The following MED8 variants were observed in gnomAD, a reference collection of about 807,000 sequenced individuals.
MED8 encodes mediator of RNA polymerase II transcription subunit 8.
Under a neutral mutation model 34.8 loss-of-function variants are expected in MED8, and 22 were observed. That is an observed-to-expected ratio of 0.63 (90% CI 0.45 to 0.90). The LOEUF is 0.90. Ranked by LOEUF, MED8 falls within the 40% of genes least tolerant of loss-of-function variation. The probability of loss-of-function intolerance (pLI) is 0.00; values close to 1 mark genes in which losing one functional copy is unlikely to be tolerated. For synonymous variants in MED8, 105 were observed against 120.2 expected (o/e 0.87, Z 0.83); for missense variants, 260 against 326.3 (o/e 0.80, Z 1.57).
chr1:43,385,137 G>A, intron 6 of MED8, 31 bp from the exon 7 acceptor site: 8 of 1,550,316 alleles, frequency 5.2e-6, no homozygotes, highest in Non-Finnish European at 7.0e-6. Flanking sequence ...GTCATCTTAA[G>A]CAAGGTAAGA....
chr1:43,386,794 T>G lies in MED8; in HGVS notation c.411+64A>C. On this transcript the variant is annotated intron_variant, in intron 4 of 6. Coordinates refer to ENST00000372457, the MANE Select transcript of MED8 (RefSeq NM_201542.5). This position sits in a 1 kb window ranked among gnomAD's most constrained non-coding sequence, Gnocchi z 4.9. ...ACTATGTATCCCTACTAGACAGGAA[T>G]GGTAATGCCTAGCTTCTCATGATGG... is the stretch of plus-strand genomic sequence containing the variant. The G allele has an allele frequency of 1.2e-6, 2 of 1,609,554 alleles. No homozygotes were observed. The highest frequency in any genetic ancestry group is 1.7e-6 in the Non-Finnish European group (2 of 1,177,308).
In MED8 at chr1:43,384,527, C is replaced by T. The variant is rs746972448; in HGVS notation, c.*515G>A. The T allele has an allele frequency of 7.4e-6, 12 of 1,611,198 alleles. No individual in the cohort carries two copies. Among genetic ancestry groups the T allele is most frequent in the Non-Finnish European group, 1.0e-5 (12 of 1,178,764 alleles). Reference sequence around the variant, plus strand: ...TTCACCTTGCGCCTTAGAGGGATAGCCAGAATGAAACCCAGGCAGGAGGGC... The same window carrying T: ...TTCACCTTGCGCCTTAGAGGGATAGTCAGAATGAAACCCAGGCAGGAGGGC... On this transcript the variant is annotated 3_prime_UTR_variant, in exon 7 of 7. Transcript: ENST00000372457.
Position 43,386,045 on chromosome 1 carries a change from C to A in MED8, c.675G>T (p.Met225Ile). Residue 225 changes from methionine (M) to isoleucine (I), a missense_variant, in exon 6 of 7, where the codon ATG becomes ATT. Coordinates refer to ENST00000372457, the MANE Select transcript of MED8 (RefSeq NM_201542.5). This position sits in a 1 kb window ranked among gnomAD's most constrained non-coding sequence, Gnocchi z 4.9. Reference sequence around the variant, plus strand: ...GCTGCTGCTGGCTTGGAGCTCCTGCCATCTGCACCTGCTGTAATCCTGAGG... The same window carrying A: ...GCTGCTGCTGGCTTGGAGCTCCTGCAATCTGCACCTGCTGTAATCCTGAGG... ...AGTSGLQQVQMAGAPSQQQPM... is the reference protein window; with the variant it reads ...AGTSGLQQVQIAGAPSQQQPM... 3 of 1,613,992 alleles carry A rather than the reference C, an allele frequency of 1.9e-6. No homozygotes were observed. Among genetic ancestry groups the A allele is most frequent in the Non-Finnish European group, 2.5e-6 (3 of 1,179,884 alleles).
At position 43,386,167 on chromosome 1, in the gene MED8, C is replaced by G; in HGVS notation, c.553G>C (p.Val185Leu). 2 of 1,614,030 alleles carry G rather than the reference C, an allele frequency of 1.2e-6. No homozygotes were observed. Among genetic ancestry groups the G allele is most frequent in the East Asian group, 2.2e-5 (1 of 44,886 alleles). The change falls in exon 6 of 7, where the codon GTT becomes CTT. Residue 185 changes from valine to leucine, a missense_variant. Val to Leu is a conservative substitution (Grantham distance 32). Transcript: ENST00000372457. This position sits in a 1 kb window ranked among gnomAD's most constrained non-coding sequence, Gnocchi z 4.9. Reference sequence around the variant, plus strand: ...TTAGATAGTCCTTTCCCAAAGGCAACAGCTGCCACCAAGGCATTAGTGTCT... The same window carrying G: ...TTAGATAGTCCTTTCCCAAAGGCAAGAGCTGCCACCAAGGCATTAGTGTCT... ...PTDTNALVAA[V>L]AFGKGLSNWR...
intron 2 of MED8, 80 bp downstream of exon 2, chr1:43,388,230 T>G: frequency 7.5e-7 from 1 of 1,335,096 alleles, no homozygotes; most frequent in East Asian, 2.3e-5. Context: ...AATGGTTACA[T>G]CATTAGAAAT....
In MED8 at chr1:43,384,433, G is replaced by T; in HGVS notation, c.*609C>A. ...AGTTGGCTCCTTAGAGGATGGAAAG[G>T]AGAGCAGGCCCAAGCTTCACCAGAG... On this transcript the variant is annotated 3_prime_UTR_variant, in exon 7 of 7. Coordinates refer to ENST00000372457, the MANE Select transcript of MED8 (RefSeq NM_201542.5). The T allele has an allele frequency of 6.3e-7, 1 of 1,578,980 alleles. No homozygotes were observed.
chr1:43,389,662 C>A, intron 1 of MED8, 97 bp downstream of exon 1: 1 of 1,531,032 alleles, frequency 6.5e-7, no homozygotes, highest in Non-Finnish European at 8.8e-7. Flanking sequence ...TCTGCCCTCT[C>A]TTCTCAGTCC....
In MED8 at chr1:43,384,266, G is replaced by T; in HGVS notation, c.*776C>A. On this transcript the variant is annotated 3_prime_UTR_variant, in exon 7 of 7. Transcript: ENST00000372457. ...TCCAAAATAAGAAACATGAATCCAG[G>T]GGAAGGGGCTTTTTCGTGTGCTAAG... is the stretch of plus-strand genomic sequence containing the variant. The T allele has an allele frequency of 1.6e-6, 1 of 626,624 alleles. No homozygotes were observed. The highest frequency in any genetic ancestry group is 2.6e-6 in the Non-Finnish European group (1 of 388,702). 38.8% of individuals were successfully genotyped at this position (626,624 alleles called of 1,614,324 possible). A position where few individuals can be genotyped will look rare whatever the true frequency, so the allele number is the denominator to read the frequency against.
Position 43,387,943 on chromosome 1 carries a change from C to T in MED8, c.126-296G>A, listed in dbSNP as rs865883511. 7.9e-5 allele frequency among the ~76,000 whole-genome samples: 12 copies of T among 152,244 alleles called. No individual in the cohort carries two copies. The East Asian group carries it at 1.7e-3, about 22-fold the overall frequency. ...CTGTTATAACTAAAACTTCAGAAACCGGGTAAAAGCCTCCTTTCCAGCCTG... is the reference window on the plus strand; with the variant it reads ...CTGTTATAACTAAAACTTCAGAAACTGGGTAAAAGCCTCCTTTCCAGCCTG... On this transcript the variant is annotated intron_variant, in intron 2 of 6. Coordinates refer to ENST00000372457, the MANE Select transcript of MED8 (RefSeq NM_201542.5).
At position 43,387,749 on chromosome 1, in the gene MED8, T is replaced by A. The variant is rs1024119892; in HGVS notation, c.126-102A>T. The A allele has an allele frequency of 3.7e-6, 5 of 1,340,876 alleles. No individual in the cohort carries two copies. The African/African-American group carries it at 7.3e-5, about 19-fold the overall frequency. The allele number at this position is 1,340,876 out of a possible 1,614,324, so 83.1% of individuals were successfully genotyped here. A position where few individuals can be genotyped will look rare whatever the true frequency, so the allele number is the denominator to read the frequency against. ...CAGGCTAGGAACACTTGGATTCACC[T>A]CCAAAAGTCTCATAGCCCTATGACT... On this transcript the variant is annotated intron_variant, in intron 2 of 6. Transcript: ENST00000372457.
intron 1 of MED8, 38 bp from the exon 2 acceptor site, chr1:43,388,466 G>A (rs761179761): frequency 3.1e-6 from 5 of 1,608,990 alleles, no homozygotes; most frequent in East Asian, 4.5e-5. Flanking sequence ...CCAGATAAAC[G>A]AGTATGACAC....
rs1468308460 is a variant in MED8 at position 43,385,064 on chromosome 1, G to A, written c.785C>T (p.Ser262Phe). 1 of 1,557,602 alleles carries A rather than the reference G, an allele frequency of 6.4e-7. No homozygotes were observed. Among genetic ancestry groups the A allele is most frequent in the Admixed American group, 1.9e-5 (1 of 51,734 alleles). The change falls in exon 7 of 7, where the codon TCC becomes TTC. Residue 262 changes from serine (S) to phenylalanine (F), a missense_variant. Transcript: ENST00000372457. ...SGIKTNIKSASMHPYQR is the reference protein window; with the variant it reads ...SGIKTNIKSAFMHPYQR ...CACTCACCGCTGGTAGGGATGCATGGAAGCCGACTTGATGTTGGTTTTTAT... is the reference window on the plus strand; with the variant it reads ...CACTCACCGCTGGTAGGGATGCATGAAAGCCGACTTGATGTTGGTTTTTAT...
chr1:43,384,511 C>A lies in MED8; in HGVS notation c.*531G>T. ...CTGGCCCAGAAGCTTCTTCACCTTG[C>A]GCCTTAGAGGGATAGCCAGAATGAA... On this transcript the variant is annotated 3_prime_UTR_variant, in exon 7 of 7. Coordinates refer to ENST00000372457, the MANE Select transcript of MED8 (RefSeq NM_201542.5). The A allele has an allele frequency of 6.2e-7, 1 of 1,611,574 alleles. No homozygotes were observed. Among genetic ancestry groups the A allele is most frequent in the Non-Finnish European group, 8.5e-7 (1 of 1,178,874 alleles).
Position 43,385,822 on chromosome 1 carries a change from G to C in MED8, c.742+156C>G, listed in dbSNP as rs1478574445. The C allele has an allele frequency of 4.9e-6, 6 of 1,230,974 alleles. No individual in the cohort carries two copies. In the Admixed American group the frequency reaches 1.1e-4, roughly 24 times the overall value. 76.3% of individuals were successfully genotyped at this position (1,230,974 alleles called of 1,614,324 possible). On this transcript the variant is annotated intron_variant, in intron 6 of 6. Coordinates refer to ENST00000372457, the MANE Select transcript of MED8 (RefSeq NM_201542.5). ...GTGCCTGTTGCAGAGTCTCAGATGA[G>C]ATTTTTTTACTTCTGAAAATTATTT...
At chr1:43,385,365 C>T in intron 6 of MED8, 1 of 442,832 alleles carries the variant, frequency 2.3e-6, no homozygotes, top group Non-Finnish European at 4.0e-6. Context: ...GTGTGACTCC[C>T]ATTTAACGTC....
chr1:43,385,874 A>C, intron 6 of MED8, 104 bp downstream of exon 6: 2 of 1,494,976 alleles, frequency 1.3e-6, no homozygotes, highest in Non-Finnish European at 1.8e-6. Context: ...AAGGAGAAAT[A>C]GAGAAAACCT....
chr1:43,386,024 C>T lies in MED8; in HGVS notation c.696G>A (p.Gln232=). 1.2e-6 allele frequency: 2 copies of T among 1,614,030 alleles called. No individual in the cohort carries two copies. Among genetic ancestry groups the T allele is most frequent in the Non-Finnish European group, 1.7e-6 (2 of 1,179,896 alleles). Residue 232 remains glutamine (Q), a synonymous_variant, in exon 6 of 7, where the codon CAG becomes CAA. Coordinates refer to ENST00000372457, the MANE Select transcript of MED8 (RefSeq NM_201542.5). This position sits in a 1 kb window ranked among gnomAD's most constrained non-coding sequence, Gnocchi z 4.9. ...TTTGTACCCCACTGAGCATTGGCTGCTGCTGGCTTGGAGCTCCTGCCATCT... is the reference window on the plus strand; with the variant it reads ...TTTGTACCCCACTGAGCATTGGCTGTTGCTGGCTTGGAGCTCCTGCCATCT... ...QVQMAGAPSQ[Q]QPMLSGVQMA...
In MED8 at chr1:43,386,498, G is replaced by C. The variant is rs1397957395; in HGVS notation, c.493+91C>G. 3.6e-6 allele frequency: 5 copies of C among 1,389,882 alleles called. No homozygotes were observed. Among genetic ancestry groups the C allele is most frequent in the Non-Finnish European group, 4.0e-6 (4 of 1,002,934 alleles). The allele number at this position is 1,389,882 out of a possible 1,614,324, so 86.1% of individuals were successfully genotyped here. A position where few individuals can be genotyped will look rare whatever the true frequency, so the allele number is the denominator to read the frequency against. Reference sequence around the variant, plus strand: ...AAACCCCAAAGCAGTTCACCCTTGTGTCCTAACTTCACTACTTCCAAAACA... The same window carrying C: ...AAACCCCAAAGCAGTTCACCCTTGTCTCCTAACTTCACTACTTCCAAAACA... On this transcript the variant is annotated intron_variant, in intron 5 of 6. Transcript: ENST00000372457. The surrounding 1 kb of genome is among the most constrained non-coding windows in gnomAD (Gnocchi z 4.9).
chr1:43,387,062 T>C (rs767841993), intron 3 of MED8, 64 bp from the exon 4 acceptor site: 9 of 1,587,820 alleles, frequency 5.7e-6, no homozygotes, highest in Non-Finnish European at 7.7e-6. Flanking sequence ...TGGCCTGACA[T>C]AAAGTCCCAT....
Sources: allele counts gnomAD v4.1 joint callset (sites outside exome capture counted in the v4.1 genomes callset), GRCh38; gene constraint gnomAD v4.1.1; non-coding constraint Gnocchi (gnomAD v3.1); transcripts MANE v1.5; gene names NCBI Gene and HGNC (gene_info 2026-07-23, HGNC 2026-07-21).